The following CRADD variants were observed in gnomAD, a reference collection of about 807,000 sequenced individuals.
CRADD encodes the protein death domain-containing protein CRADD.
Under a neutral mutation model 15.5 loss-of-function variants are expected in CRADD, and 9 were observed. That is an observed-to-expected ratio of 0.58 (90% CI 0.35 to 1.01). The LOEUF is 1.01. Ranked by LOEUF, CRADD falls within the 50% of genes least tolerant of loss-of-function variation. The probability of loss-of-function intolerance (pLI) is 0.02; values close to 1 mark genes in which losing one functional copy is unlikely to be tolerated. For missense variants in CRADD, 227 were observed against 250.3 expected (o/e 0.91, Z 0.63); for synonymous variants, 118 against 107.6 (o/e 1.10, Z -0.60).
At chr12:93,809,624 C>T (rs1957596473) in intron 2 of CRADD, among the ~76,000 whole-genome samples, 4 of 152,138 alleles carry the variant, frequency 2.6e-5, no homozygotes, top group Admixed American at 2.6e-4. Flanking sequence ...CTTCCTAGAC[C>T]CCAAGGTCCA....
At chr12:93,793,358 G>T (rs1957373416) in intron 2 of CRADD, among the ~76,000 whole-genome samples, 3 of 152,112 alleles carry the variant, frequency 2.0e-5, no homozygotes, top group Non-Finnish European at 4.4e-5. Context: ...AACAAAAGGT[G>T]AACTTGGACT....
chr12:93,713,968 G>A (rs1300773711), intron 2 of CRADD, among the ~76,000 whole-genome samples: 1 of 152,198 alleles, frequency 6.6e-6, no homozygotes, highest in East Asian at 1.9e-4. Context: ...GGAAGGAACT[G>A]GTGGATATCA....
chr12:93,705,518 C>G (rs928639968), intron 2 of CRADD, among the ~76,000 whole-genome samples: 3 of 152,152 alleles, frequency 2.0e-5, no homozygotes, highest in Non-Finnish European at 4.4e-5. Flanking sequence ...ACATTCCTTT[C>G]CCTCATCAGC....
intron 2 of CRADD, among the ~76,000 whole-genome samples, chr12:93,842,910 T>G (rs1317809916): frequency 1.3e-5 from 2 of 152,172 alleles, no homozygotes; most frequent in African/African-American, 4.8e-5. Flanking sequence ...ATATTGCCCC[T>G]TTTGAAACCG....
intron 2 of CRADD, among the ~76,000 whole-genome samples, chr12:93,701,154 A>G (rs925579323): frequency 6.6e-5 from 10 of 152,166 alleles, no homozygotes; most frequent in African/African-American, 2.4e-4. Context: ...GACCTTATCT[A>G]TATTAATTAT....
intron 2 of CRADD, among the ~76,000 whole-genome samples, chr12:93,741,111 G>C (rs1303532447): frequency 6.6e-6 from 1 of 152,162 alleles, no homozygotes; most frequent in African/African-American, 2.4e-5. Flanking sequence ...GATAGATTTT[G>C]TGTATCTCTT....
Position 93,787,762 on chromosome 12 carries a change from A to G in CRADD, c.299-62208A>G, listed in dbSNP as rs140342193. Among the ~76,000 whole-genome samples the G allele has an allele frequency of 3.7e-3, 559 of 152,288 alleles. 1 individual carries two copies. The highest frequency in any genetic ancestry group is 0.014 in the Middle Eastern group (4 of 294). ...ATCAGCATGTTTAACATGAGAATTA[A>G]AGAGTTCTGTAGTGTGGCCTATTGA... On this transcript the variant is annotated intron_variant, in intron 2 of 2. Transcript: ENST00000332896.
At chr12:93,794,406 A>AC (rs142227756) in intron 2 of CRADD, among the ~76,000 whole-genome samples, 15,618 of 152,004 alleles carry the variant, frequency 0.1, 956 homozygotes, top group Admixed American at 0.2. Context: ...ACCTCTTGGT[A>AC]CCCCCATCTC....
chr12:93,805,095 AT>A (rs771655233), intron 2 of CRADD, among the ~76,000 whole-genome samples: 2 of 152,042 alleles, frequency 1.3e-5, no homozygotes, highest in Non-Finnish European at 2.9e-5. Context: ...GGCACCACTT[AT>A]CTTTGTGTAC....
chr12:93,717,605 C>T (rs564635298), intron 2 of CRADD, among the ~76,000 whole-genome samples: 7 of 152,212 alleles, frequency 4.6e-5, no homozygotes, highest in East Asian at 3.9e-4. Context: ...CTACAACCTC[C>T]GCCTCCTGGG....
chr12:93,721,722 A>G (rs763653738), intron 2 of CRADD, among the ~76,000 whole-genome samples: 1 of 152,212 alleles, frequency 6.6e-6, no homozygotes, highest in Non-Finnish European at 1.5e-5. Flanking sequence ...GCATCATTTT[A>G]TATAAGGGAC....
intron 2 of CRADD, among the ~76,000 whole-genome samples, chr12:93,773,819 T>TTTG (rs962382650): frequency 2.1e-5 from 3 of 142,768 alleles, no homozygotes; most frequent in Middle Eastern, 3.4e-3. Context: ...GTGAGTTTTT[T>TTTG]TTTTTTTTTT....
intron 2 of CRADD, among the ~76,000 whole-genome samples, chr12:93,847,989 A>G (rs556191346): frequency 6.6e-6 from 1 of 152,296 alleles, no homozygotes; most frequent in Middle Eastern, 3.4e-3. Flanking sequence ...TGGAAAGAAA[A>G]GGTCATATGT....
At chr12:93,884,930 A>G (rs957307209) in intron 2 of CRADD, among the ~76,000 whole-genome samples, 1 of 152,154 alleles carries the variant, frequency 6.6e-6, no homozygotes, top group Non-Finnish European at 1.5e-5. Context: ...TAAGGAGGGC[A>G]TCTCTGTCTA....
intron 2 of CRADD, among the ~76,000 whole-genome samples, chr12:93,802,569 G>GT (rs1957488186): frequency 6.6e-6 from 1 of 152,188 alleles, no homozygotes; most frequent in African/African-American, 2.4e-5. Context: ...TTCTCATCTA[G>GT]TGCAAGCTCA....
At chr12:93,742,767 G>C (rs1198482791) in intron 2 of CRADD, among the ~76,000 whole-genome samples, 2 of 152,128 alleles carry the variant, frequency 1.3e-5, no homozygotes, top group Non-Finnish European at 2.9e-5. Context: ...AGCCGTCACA[G>C]GTTGCCGGCA....
chr12:93,786,560 C>A (rs1957279960), intron 2 of CRADD, among the ~76,000 whole-genome samples: 6 of 152,162 alleles, frequency 3.9e-5, no homozygotes, highest in Admixed American at 3.3e-4. Flanking sequence ...TAGTAGATGC[C>A]AGCGCTTCTT....
intron 2 of CRADD, among the ~76,000 whole-genome samples, chr12:93,685,632 T>C (rs1289612981): frequency 6.6e-6 from 1 of 152,162 alleles, no homozygotes; most frequent in African/African-American, 2.4e-5. Flanking sequence ...ATTGAAAGTA[T>C]ACCAAATTAT....
Position 93,885,909 on chromosome 12 carries a change from C to T in CRADD, c.299-8141C>T, listed in dbSNP as rs188841910. Among the ~76,000 whole-genome samples the T allele has an allele frequency of 4.1e-3, 623 of 152,038 alleles. 5 individuals are homozygous for T. The highest frequency in any genetic ancestry group is 0.014 in the African/African-American group (593 of 41,486). ...CAAAAGTTAGCCAGGGATGATGGCA[C>T]GCACCTGTAATCCCAGCTACTTGGG... On this transcript the variant is annotated intron_variant, in intron 2 of 2. Coordinates refer to the CRADD transcript ENST00000548483.
Sources: gnomAD v4.1 joint callset for allele counts (sites outside exome capture counted in the v4.1 genomes callset) on GRCh38, gnomAD v4.1.1 for gene constraint, MANE v1.5 for transcripts, NCBI Gene and HGNC (gene_info 2026-07-23, HGNC 2026-07-21) for gene names.